The following IPPK variants were observed in gnomAD, a reference collection of about 807,000 sequenced individuals.
IPPK encodes IPK1 homolog.
In IPPK, 22 loss-of-function variants were observed where a neutral mutation model predicts 64.6. That is an observed-to-expected ratio of 0.34 (90% confidence interval 0.24 to 0.49). The LOEUF is 0.49. Ranked by LOEUF, IPPK falls within the 20% of genes least tolerant of loss-of-function variation. The probability of loss-of-function intolerance (pLI) is 0.99; values close to 1 mark genes in which losing one functional copy is unlikely to be tolerated. For synonymous variants in IPPK, 262 were observed against 247.2 expected (o/e 1.06, Z -0.56); for missense variants, 532 against 630.7 (o/e 0.84, Z 1.68).
intron 12 of IPPK, 29 bp downstream of exon 12, chr9:92,619,457 G>T (rs1264414096): frequency 1.9e-6 from 3 of 1,544,998 alleles, no homozygotes; most frequent in Middle Eastern, 1.7e-4. Flanking sequence ...GTTAGACCCA[G>T]GCTGCATGCC....
intron 11 of IPPK, among the ~76,000 whole-genome samples, chr9:92,632,399 C>G (rs906979616): frequency 6.6e-6 from 1 of 152,168 alleles, no homozygotes; most frequent in African/African-American, 2.4e-5. Flanking sequence ...TATTTTAGCC[C>G]TTCTGCTAGT....
At position 92,615,646 on chromosome 9, in the gene IPPK, A is replaced by G; in HGVS notation, c.*186T>C. ...TCCTGGGACACAGCACTCACTTCCT[A>G]CATTCCTTGTCCAGGAAGTTGTTTC... On this transcript the variant is annotated 3_prime_UTR_variant, in exon 13 of 13. Coordinates refer to ENST00000287996, the MANE Select transcript of IPPK (RefSeq NM_022755.6). 1 of 575,878 alleles carries G rather than the reference A, an allele frequency of 1.7e-6. No homozygotes were observed. Among genetic ancestry groups the G allele is most frequent in the East Asian group, 2.9e-5 (1 of 34,016 alleles). The allele number at this position is 575,878 out of a possible 1,614,324, so 35.7% of individuals were successfully genotyped here.
In IPPK at chr9:92,635,551, G is replaced by A. The variant is rs1851925910; in HGVS notation, c.917-243C>T. Among the ~76,000 whole-genome samples, 1 of 152,148 alleles carries A rather than the reference G, an allele frequency of 6.6e-6. No homozygotes were observed. Among genetic ancestry groups the A allele is most frequent in the South Asian group, 2.1e-4 (1 of 4,830 alleles). ...TGCACCAGGCCAAGCACAAAGGAGG[G>A]AGCAAGAAATGCACATGTCCTGCCT... On this transcript the variant is annotated intron_variant, in intron 9 of 12. Transcript: ENST00000287996. This position sits in a 1 kb window ranked among gnomAD's most constrained non-coding sequence, Gnocchi z 4.4.
chr9:92,646,589 T>C (rs1852154458), intron 6 of IPPK, among the ~76,000 whole-genome samples: 1 of 152,214 alleles, frequency 6.6e-6, no homozygotes. Context: ...CCAAAATGTA[T>C]GGGATGAAGA....
chr9:92,629,932 C>T (rs1353963035), intron 11 of IPPK, among the ~76,000 whole-genome samples: 1 of 152,172 alleles, frequency 6.6e-6, no homozygotes, highest in South Asian at 2.1e-4. Context: ...ACTTCATACA[C>T]TGCTGGTGGG....
At chr9:92,644,832 T>C (rs1852119549) in intron 6 of IPPK, among the ~76,000 whole-genome samples, 1 of 152,188 alleles carries the variant, frequency 6.6e-6, no homozygotes. Flanking sequence ...CATTATATTA[T>C]TTCAAATGCC....
In IPPK at chr9:92,652,442, C is replaced by T. The variant is rs565414805; in HGVS notation, c.292+131G>A. The T allele has an allele frequency of 2.0e-3, 906 of 451,700 alleles. 7 individuals carry two copies. The highest frequency in any genetic ancestry group is 1.4e-3 in the Non-Finnish European group (353 of 254,900). 28.0% of individuals were successfully genotyped at this position (451,700 alleles called of 1,614,324 possible). ...CCTGCCTGGGCGACAGAGTGAGACT[C>T]CGTCTCAAAAAAAAAAAAAAAAAAA... is the stretch of plus-strand genomic sequence containing the variant. On this transcript the variant is annotated intron_variant, in intron 4 of 12. Transcript: ENST00000287996.
chr9:92,613,827 C>T lies in IPPK; in HGVS notation c.*2005G>A, dbSNP rs1851346661. On this transcript the variant is annotated 3_prime_UTR_variant, in exon 13 of 13. Coordinates refer to ENST00000287996, the MANE Select transcript of IPPK (RefSeq NM_022755.6). ...CCCCTGCATAGCCTAAGTGCTATAT[C>T]GATCGTCCCGGATGTGCCTTAAGAA... is the stretch of plus-strand genomic sequence containing the variant. The T allele has an allele frequency of 6.5e-6, 1 of 152,754 alleles. No homozygotes were observed. The highest frequency in any genetic ancestry group is 6.5e-5 in the Admixed American group (1 of 15,380). 9.5% of individuals were successfully genotyped at this position (152,754 alleles called of 1,614,324 possible). A position where few individuals can be genotyped will look rare whatever the true frequency, so the allele number is the denominator to read the frequency against.
Position 92,622,607 on chromosome 9 carries a change from A to AATAT in IPPK, c.1171-3046_1171-3043dup, listed in dbSNP as rs61050099. Among the ~76,000 whole-genome samples, 26 of 150,900 alleles carry AATAT rather than the reference A, an allele frequency of 1.7e-4. No homozygotes were observed. In the East Asian group the frequency reaches 2.3e-3, roughly 14 times the overall value. On this transcript the variant is annotated intron_variant, in intron 11 of 12. Transcript: ENST00000287996. ...AACCATAAAACATTTTTATCAGAAT[A>AATAT]ATATATATATATATAAAAGTTTAAA... is the stretch of plus-strand genomic sequence containing the variant.
intron 1 of IPPK, among the ~76,000 whole-genome samples, chr9:92,660,667 A>G (rs549295307): frequency 2.0e-5 from 3 of 152,228 alleles, no homozygotes; most frequent in African/African-American, 7.2e-5. Context: ...AATACCAACT[A>G]CAAGAACACA....
chr9:92,642,917 T>C, intron 6 of IPPK, 107 bp from the exon 7 acceptor site: 1 of 926,106 alleles, frequency 1.1e-6, no homozygotes, highest in Non-Finnish European at 1.8e-6. Context: ...GAAGACGAGC[T>C]GCAGCCTTGC....
chr9:92,658,424 C>T (rs1396229837), intron 2 of IPPK, among the ~76,000 whole-genome samples: 1 of 152,178 alleles, frequency 6.6e-6, no homozygotes, highest in Non-Finnish European at 1.5e-5. Flanking sequence ...CCTGGCTGAG[C>T]GCCACATAGA....
At chr9:92,667,119 C>T (rs1852615846) in intron 1 of IPPK, among the ~76,000 whole-genome samples, 1 of 152,204 alleles carries the variant, frequency 6.6e-6, no homozygotes, top group Non-Finnish European at 1.5e-5. Context: ...CCTTTCAATT[C>T]TGAGAGAAGC....
At chr9:92,626,472 A>G (rs1388236590) in intron 11 of IPPK, among the ~76,000 whole-genome samples, 1 of 152,220 alleles carries the variant, frequency 6.6e-6, no homozygotes, top group Non-Finnish European at 1.5e-5. Flanking sequence ...AGCTGAATGA[A>G]TCAATGAACT....
rs200546991 is a variant in IPPK at position 92,635,220 on chromosome 9, G to A, written c.1005C>T (p.Ile335=). ...GGTTGTACAGAGGGTAGAGGCCTTC[G>A]ATGTCCAGCAGGTCCAACATCTGCA... ...LQVQMLDLLD[I]EGLYPLYNRV... Residue 335 remains isoleucine (I), a synonymous_variant, in exon 10 of 13, where the codon ATC becomes ATT. Transcript: ENST00000287996. This position sits in a 1 kb window ranked among gnomAD's most constrained non-coding sequence, Gnocchi z 4.4. The A allele has an allele frequency of 1.7e-5, 28 of 1,614,172 alleles. No homozygotes were observed. Among genetic ancestry groups the A allele is most frequent in the Middle Eastern group, 1.6e-4 (1 of 6,062 alleles).
At position 92,616,000 on chromosome 9, in the gene IPPK, A is replaced by G; in HGVS notation, c.1308T>C (p.Ser436=). 2 of 1,614,220 alleles carry G rather than the reference A, an allele frequency of 1.2e-6. No individual in the cohort carries two copies. Among genetic ancestry groups the G allele is most frequent in the Non-Finnish European group, 1.7e-6 (2 of 1,180,036 alleles). Residue 436 remains serine, a synonymous_variant, in exon 13 of 13, where the codon TCT becomes TCC. Coordinates refer to ENST00000287996, the MANE Select transcript of IPPK (RefSeq NM_022755.6). ...SSRSRFAFSV[S]VLDLDLKPYE... is the part of the protein sequence containing the mutation. The stretch of plus-strand genomic sequence containing the variant: ...AGGGCTTGAGGTCAAGGTCCAGCAC[A>G]GACACGGAAAAGGCAAACCTGGACC...
intron 1 of IPPK, among the ~76,000 whole-genome samples, chr9:92,669,192 G>A (rs898677361): frequency 6.6e-6 from 1 of 150,964 alleles, no homozygotes; most frequent in Admixed American, 6.6e-5. Context: ...CGTTCCAGCC[G>A]GCCACATTCC....
intron 11 of IPPK, among the ~76,000 whole-genome samples, chr9:92,630,297 A>G (rs978369630): frequency 6.6e-6 from 1 of 152,220 alleles, no homozygotes; most frequent in Non-Finnish European, 1.5e-5. Context: ...CACACATTCA[A>G]TGACTCTGTT....
chr9:92,614,154 G>A lies in IPPK; in HGVS notation c.*1678C>T, dbSNP rs551466106. On this transcript the variant is annotated 3_prime_UTR_variant, in exon 13 of 13. Coordinates refer to ENST00000287996, the MANE Select transcript of IPPK (RefSeq NM_022755.6). The stretch of plus-strand genomic sequence containing the variant: ...GCTAGGCAATAACTCTTGCAGCCCT[G>A]AAGGACCTAGGGAGCCCAGCCCACC... 6.1e-4 allele frequency: 93 copies of A among 152,472 alleles called. No individual in the cohort carries two copies. The highest frequency in any genetic ancestry group is 1.1e-3 in the Non-Finnish European group (75 of 68,144). The allele number at this position is 152,472 out of a possible 1,614,324, so 9.4% of individuals were successfully genotyped here.
Sources: gnomAD v4.1 joint callset for allele counts (sites outside exome capture counted in the v4.1 genomes callset) on GRCh38, gnomAD v4.1.1 for gene constraint, Gnocchi (gnomAD v3.1) non-coding constraint, MANE v1.5 for transcripts, NCBI Gene and HGNC (gene_info 2026-07-23, HGNC 2026-07-21) for gene names.